Variants in CLIC4 observed in about 807,000 individuals in gnomAD.
The protein encoded by CLIC4 is chloride intracellular channel protein 4.
A neutral mutation model predicts 24.6 loss-of-function variants in CLIC4; 13 were observed. The observed-to-expected ratio is 0.53, with a 90% CI of 0.34 to 0.84. The LOEUF (loss-of-function observed/expected upper bound fraction) is 0.84. Ranked by LOEUF, CLIC4 falls within the 40% of genes least tolerant of loss-of-function variation. The pLI, the probability that CLIC4 is intolerant of heterozygous loss-of-function variation, is 0.01. For missense variants in CLIC4, 227 were observed against 301.7 expected, an observed-to-expected ratio of 0.75 and a Z score of 1.83; for synonymous variants, 104 against 111.3, an observed-to-expected ratio of 0.93 and a Z score of 0.41.
At chr1:24,823,538 G>A (rs1025416732) in intron 3 of CLIC4, among the ~76,000 whole-genome samples, 7 of 152,174 alleles carry the variant, frequency 4.6e-5, no homozygotes, top group African/African-American at 1.7e-4. Flanking sequence ...ACTTTGGGAG[G>A]CCAAGGCGGG....
intron 4 of CLIC4, among the ~76,000 whole-genome samples, chr1:24,837,579 C>A (rs1245368845): frequency 6.6e-6 from 1 of 152,144 alleles, no homozygotes; most frequent in South Asian, 2.1e-4. Flanking sequence ...CATACAAGAA[C>A]ATCAAAAGAA....
rs1027804208 is a variant in CLIC4 at position 24,805,100 on chromosome 1, A to C, written c.182+7249A>C. 8.1e-4 allele frequency among the ~76,000 whole-genome samples: 117 copies of C among 144,672 alleles called. 1 individual carries two copies. The highest frequency in any genetic ancestry group is 2.7e-3 in the African/African-American group (106 of 39,794). 94.9% of individuals were successfully genotyped at this position (144,672 alleles called of 152,430 possible). A position where few individuals can be genotyped will look rare whatever the true frequency, so the allele number is the denominator to read the frequency against. ...AGACTCCATGTCAAAAAAAAAAAAA[A>C]AAAAACACAAAAACAAAGACAAACG... On this transcript the variant is annotated intron_variant, in intron 2 of 5. Transcript: ENST00000374379.
chr1:24,786,208 A>G (rs1639265675), intron 1 of CLIC4, among the ~76,000 whole-genome samples: 1 of 152,216 alleles, frequency 6.6e-6, no homozygotes, highest in African/African-American at 2.4e-5. Context: ...ATAAACATAA[A>G]TAAAGAGAAG....
chr1:24,794,486 G>A (rs930654458), intron 1 of CLIC4, among the ~76,000 whole-genome samples: 1 of 151,806 alleles, frequency 6.6e-6, no homozygotes, highest in Non-Finnish European at 1.5e-5. Flanking sequence ...CCACATGTAT[G>A]TCTTCTTTTG....
At chr1:24,821,714 G>A (rs553512353) in intron 3 of CLIC4, among the ~76,000 whole-genome samples, 1 of 152,108 alleles carries the variant, frequency 6.6e-6, no homozygotes, top group South Asian at 2.1e-4. Flanking sequence ...ACCACGCCTG[G>A]CTAATTTTTG....
At chr1:24,756,513 T>TA (rs1638851869) in intron 1 of CLIC4, among the ~76,000 whole-genome samples, 1 of 152,208 alleles carries the variant, frequency 6.6e-6, no homozygotes, top group South Asian at 2.1e-4. Context: ...ACTTCCAACT[T>TA]ACATGTGAAT....
At chr1:24,785,283 A>G (rs1639254070) in intron 1 of CLIC4, among the ~76,000 whole-genome samples, 1 of 152,172 alleles carries the variant, frequency 6.6e-6, no homozygotes, top group African/African-American at 2.4e-5. Context: ...CTTTAAGTCA[A>G]GTAACATTTT....
chr1:24,796,229 G>A (rs1050678826), intron 1 of CLIC4, among the ~76,000 whole-genome samples: 3 of 151,686 alleles, frequency 2.0e-5, no homozygotes, highest in Admixed American at 1.3e-4. Context: ...TTGCTCCTTC[G>A]CTAGGCTGGA....
chr1:24,759,628 T>C (rs1228982375), intron 1 of CLIC4, among the ~76,000 whole-genome samples: 2 of 152,198 alleles, frequency 1.3e-5, no homozygotes, highest in East Asian at 3.8e-4. Context: ...TTACTGACTC[T>C]ATTACACTGC....
At chr1:24,797,177 C>T (rs928310199) in intron 1 of CLIC4, among the ~76,000 whole-genome samples, 8 of 151,582 alleles carry the variant, frequency 5.3e-5, no homozygotes, top group Non-Finnish European at 1.0e-4. Context: ...TGGTCTCAAA[C>T]TCCTGACCGT....
In CLIC4 at chr1:24,800,757, T is replaced by A. The variant is rs1639478694; in HGVS notation, c.182+2906T>A. Reference sequence around the variant, plus strand: ...TCTGCCTTGGGATCTTGTTGGTCTGTGACCTTACCCCCAACCCTGTGCTCT... The same window carrying A: ...TCTGCCTTGGGATCTTGTTGGTCTGAGACCTTACCCCCAACCCTGTGCTCT... On this transcript the variant is annotated intron_variant, in intron 2 of 5. Transcript: ENST00000374379. 3.3e-5 allele frequency among the ~76,000 whole-genome samples: 5 copies of A among 152,242 alleles called. No individual in the cohort carries two copies. The South Asian group carries it at 1.0e-3, about 32-fold the overall frequency.
chr1:24,815,266 G>A (rs1553193665), intron 3 of CLIC4, among the ~76,000 whole-genome samples: 3 of 152,188 alleles, frequency 2.0e-5, no homozygotes, highest in Non-Finnish European at 4.4e-5. Context: ...GGGAGGCTGA[G>A]GCGGATGGAT....
In CLIC4 at chr1:24,843,149, A is replaced by G. The variant is rs185706896; in HGVS notation, c.*2212A>G. On this transcript the variant is annotated 3_prime_UTR_variant, in exon 6 of 6. Coordinates refer to ENST00000374379, the MANE Select transcript of CLIC4 (RefSeq NM_013943.3). Reference sequence around the variant, plus strand: ...GTTCTAGGAAGGCATGTCTATTGTGATTTTGATGAAGACAGAATTATTTTT... The same window carrying G: ...GTTCTAGGAAGGCATGTCTATTGTGGTTTTGATGAAGACAGAATTATTTTT... 6.6e-6 allele frequency: 1 copy of G among 152,294 alleles called. No homozygotes were observed. The highest frequency in any genetic ancestry group is 2.4e-5 in the African/African-American group (1 of 41,570). The allele number at this position is 152,294 out of a possible 1,614,324, so 9.4% of individuals were successfully genotyped here.
chr1:24,822,391 C>G (rs1420503815), intron 3 of CLIC4, among the ~76,000 whole-genome samples: 1 of 142,394 alleles, frequency 7.0e-6, no homozygotes, highest in Non-Finnish European at 1.5e-5. Flanking sequence ...CTGTGTCGCC[C>G]AGGCTGGAGT....
chr1:24,798,009 A>G (rs1557805236), intron 2 of CLIC4, 158 bp downstream of exon 2: 3 of 573,008 alleles, frequency 5.2e-6, no homozygotes, highest in Non-Finnish European at 9.1e-6. Flanking sequence ...TATTTTGGAC[A>G]AGTCACGCTG....
At chr1:24,767,040 A>G (rs1319312587) in intron 1 of CLIC4, among the ~76,000 whole-genome samples, 6 of 150,620 alleles carry the variant, frequency 4.0e-5, no homozygotes, top group African/African-American at 1.2e-4. Context: ...AAAAAAAAAA[A>G]AAAAAAAAGA....
chr1:24,754,909 T>C (rs1638825094), intron 1 of CLIC4, among the ~76,000 whole-genome samples: 1 of 151,726 alleles, frequency 6.6e-6, no homozygotes, highest in South Asian at 2.1e-4. Context: ...CTGTCTCTAC[T>C]AAAAATACAA....
intron 4 of CLIC4, among the ~76,000 whole-genome samples, chr1:24,836,510 C>G (rs1383706282): frequency 6.6e-6 from 1 of 152,148 alleles, no homozygotes. Flanking sequence ...GAATGTTTCT[C>G]AATCAAAGAA....
chr1:24,816,765 G>C (rs1639675579), intron 3 of CLIC4, among the ~76,000 whole-genome samples: 1 of 152,306 alleles, frequency 6.6e-6, no homozygotes, highest in East Asian at 1.9e-4. Context: ...GTTCTGGGGG[G>C]ACTAGTGCAT....
Sources: allele counts gnomAD v4.1 joint callset (sites outside exome capture counted in the v4.1 genomes callset), GRCh38; gene constraint gnomAD v4.1.1; transcripts MANE v1.5; gene names NCBI Gene and HGNC (gene_info 2026-07-23, HGNC 2026-07-21).